The following PTPRT variants were observed in gnomAD, a reference collection of about 807,000 sequenced individuals.
The protein encoded by PTPRT is receptor-type tyrosine-protein phosphatase T.
Under a neutral mutation model 176.8 loss-of-function variants are expected in PTPRT, and 56 were observed. That is an observed-to-expected ratio of 0.32 (90% CI 0.26 to 0.40). PTPRT has a LOEUF of 0.40. Among genes scored for constraint, PTPRT ranks in the 10% least tolerant of loss-of-function variants. PTPRT has a pLI of 1.00. For synonymous variants in PTPRT, 783 were observed against 739.0 expected (o/e 1.06, Z -0.96); for missense variants, 1,540 against 1,908.2 (o/e 0.81, Z 3.60).
chr20:42,393,402 G>A (rs1568840942), intron 9 of PTPRT, among the ~76,000 whole-genome samples: 2 of 152,188 alleles, frequency 1.3e-5, no homozygotes. Flanking sequence ...AAAAGCAGGT[G>A]ACTGGAGAAA....
chr20:42,327,802 A>G (rs777711735), intron 11 of PTPRT, among the ~76,000 whole-genome samples: 1 of 152,158 alleles, frequency 6.6e-6, no homozygotes, highest in Non-Finnish European at 1.5e-5. Context: ...AGATTTGTCT[A>G]TATGTAAATC....
chr20:42,566,471 C>A (rs6072795), intron 7 of PTPRT, among the ~76,000 whole-genome samples: 19,227 of 152,194 alleles, frequency 0.13, 1,290 homozygotes, highest in East Asian at 0.22. Flanking sequence ...CACAGCAAAA[C>A]TGAGCAGAAG....
At chr20:43,187,065 G>A (rs1256993119) in intron 1 of PTPRT, among the ~76,000 whole-genome samples, 2 of 152,048 alleles carry the variant, frequency 1.3e-5, no homozygotes, top group African/African-American at 2.4e-5. Flanking sequence ...TCCAAAAACC[G>A]TCGTGGCTCA....
chr20:42,845,262 G>T (rs17749630), intron 2 of PTPRT, among the ~76,000 whole-genome samples: 3 of 148,006 alleles, frequency 2.0e-5, no homozygotes, highest in Non-Finnish European at 4.5e-5. Context: ...GAAAGCTAAA[G>T]GGCTGTCTTG....
intron 1 of PTPRT, among the ~76,000 whole-genome samples, chr20:42,987,296 T>C (rs918345994): frequency 1.3e-5 from 2 of 152,196 alleles, no homozygotes; most frequent in Non-Finnish European, 2.9e-5. Context: ...TGAATTTAAA[T>C]TGACTGACAT....
intron 2 of PTPRT, 54 bp from the exon 3 acceptor site, chr20:42,791,520 C>A (rs2077375907): frequency 1.3e-6 from 2 of 1,521,956 alleles, no homozygotes; most frequent in East Asian, 2.4e-5. Context: ...GTAAGAAAAT[C>A]CTTCTGAAAA....
At chr20:43,090,918 G>A (rs2011818405) in intron 1 of PTPRT, among the ~76,000 whole-genome samples, 1 of 152,134 alleles carries the variant, frequency 6.6e-6, no homozygotes, top group Admixed American at 6.5e-5. Context: ...TGCCGAACAG[G>A]ATAAATGAAA....
chr20:42,334,120 C>T (rs1406726656), intron 11 of PTPRT, among the ~76,000 whole-genome samples: 1 of 152,114 alleles, frequency 6.6e-6, no homozygotes, highest in Non-Finnish European at 1.5e-5. Flanking sequence ...GTGAATCATA[C>T]ATTTTTTTAA....
In PTPRT at chr20:42,718,265, C is replaced by T. The variant is rs571422141; in HGVS notation, c.859+38197G>A. On this transcript the variant is annotated intron_variant, in intron 6 of 30. Coordinates refer to ENST00000373187, the MANE Select transcript of PTPRT (RefSeq NM_007050.6). ...TAAGAGTAACAACGTGGGCCAGGCA[C>T]GGTGGCTCACGCCTGTAATCCCAGC... is the stretch of plus-strand genomic sequence containing the variant. Among the ~76,000 whole-genome samples, 3 of 152,314 alleles carry T rather than the reference C, an allele frequency of 2.0e-5. No individual in the cohort carries two copies. The East Asian group carries it at 5.8e-4, about 29-fold the overall frequency.
At chr20:42,695,299 C>CT (rs1424709562) in intron 6 of PTPRT, among the ~76,000 whole-genome samples, 2 of 152,132 alleles carry the variant, frequency 1.3e-5, no homozygotes, top group African/African-American at 2.4e-5. Context: ...TAACTTTTTA[C>CT]TTTTAATTAT....
intron 1 of PTPRT, among the ~76,000 whole-genome samples, chr20:43,137,962 T>C (rs2013885931): frequency 6.6e-6 from 1 of 152,188 alleles, no homozygotes; most frequent in East Asian, 1.9e-4. Context: ...TTCAATTCAC[T>C]TCCCCGGGTT....
Position 43,011,099 on chromosome 20 carries a change from G to A in PTPRT, c.89-125167C>T, listed in dbSNP as rs1419608670. On this transcript the variant is annotated intron_variant, in intron 1 of 30. Coordinates refer to ENST00000373187, the MANE Select transcript of PTPRT (RefSeq NM_007050.6). ...GCCTACTCTGAAAGCAAATTAGTAC[G>A]CTGCAGGGTGTTGGTTCTTATTCAT... Among the ~76,000 whole-genome samples the A allele has an allele frequency of 4.6e-5, 7 of 152,272 alleles. No homozygotes were observed. In the East Asian group the frequency reaches 5.8e-4, roughly 13 times the overall value.
chr20:42,464,512 A>G (rs1568903248), intron 8 of PTPRT, among the ~76,000 whole-genome samples: 4 of 152,224 alleles, frequency 2.6e-5, no homozygotes, highest in Admixed American at 2.0e-4. Context: ...TATCGATAGC[A>G]TCTACATCAA....
At position 42,624,173 on chromosome 20, in the gene PTPRT, T is replaced by C. The variant is rs8121880; in HGVS notation, c.1153+53693A>G. Among the ~76,000 whole-genome samples, 987 of 152,276 alleles carry C rather than the reference T, an allele frequency of 6.5e-3. 12 individuals are homozygous for C. Among genetic ancestry groups the C allele is most frequent in the African/African-American group, 0.023 (955 of 41,538 alleles). ...TCATAGAATCCTGCTCTGTGAAATT[T>C]GCACAGGGGCCAAAGGGAAACAAGG... On this transcript the variant is annotated intron_variant, in intron 7 of 30. Transcript: ENST00000373187.
chr20:42,171,679 AC>A (rs1465989047), intron 16 of PTPRT, among the ~76,000 whole-genome samples: 4 of 152,170 alleles, frequency 2.6e-5, no homozygotes, highest in African/African-American at 4.8e-5. Flanking sequence ...AGATAAAAAA[AC>A]AAAACAAAAG....
intron 1 of PTPRT, among the ~76,000 whole-genome samples, chr20:43,103,558 T>C (rs2146328983): frequency 6.6e-6 from 1 of 152,252 alleles, no homozygotes; most frequent in South Asian, 2.1e-4. Flanking sequence ...GACCCTCTAT[T>C]CTTTGACTTT....
intron 16 of PTPRT, among the ~76,000 whole-genome samples, chr20:42,189,699 T>C (rs1990922413): frequency 6.6e-6 from 1 of 152,174 alleles, no homozygotes; most frequent in Non-Finnish European, 1.5e-5. Context: ...AACGGTCGTG[T>C]CCCTAATTAA....
chr20:42,859,324 T>G (rs79563636), intron 2 of PTPRT, among the ~76,000 whole-genome samples: 185 of 152,258 alleles, frequency 1.2e-3, no homozygotes, highest in African/African-American at 4.2e-3. Flanking sequence ...CAGAATTTCA[T>G]GAAGTCATGA....
intron 16 of PTPRT, among the ~76,000 whole-genome samples, chr20:42,180,612 T>G (rs1460852991): frequency 6.6e-6 from 1 of 152,224 alleles, no homozygotes; most frequent in East Asian, 1.9e-4. Context: ...TGATGTATAT[T>G]AAAAGTGCAT....
Sources: allele counts gnomAD v4.1 joint callset (sites outside exome capture counted in the v4.1 genomes callset), GRCh38; gene constraint gnomAD v4.1.1; transcripts MANE v1.5; gene names NCBI Gene and HGNC (gene_info 2026-07-23, HGNC 2026-07-21).